ACVR1B: variants seen among roughly 807,000 people sequenced by gnomAD.
ACVR1B encodes the protein activin A receptor type 1B, also known as activin receptor type-1B.
Under a neutral mutation model 55.6 loss-of-function variants are expected in ACVR1B, and 15 were observed. The observed-to-expected ratio is 0.27, with a 90% CI of 0.18 to 0.42. ACVR1B has a LOEUF of 0.42. Among genes scored for constraint, ACVR1B ranks in the 10% least tolerant of loss-of-function variants. ACVR1B has a pLI of 1.00. For missense variants in ACVR1B, 359 were observed against 670.1 expected (o/e 0.54, Z 5.13); for synonymous variants, 247 against 254.6 (o/e 0.97, Z 0.28).
At chr12:51,978,886 T>A (rs529955088) in intron 3 of ACVR1B, among the ~76,000 whole-genome samples, 1 of 146,968 alleles carries the variant, frequency 6.8e-6, no homozygotes, top group African/African-American at 2.5e-5. Context: ...ACAGGAATTG[T>A]TGGGAAGAGT....
chr12:51,994,057 C>T lies in ACVR1B; in HGVS notation c.1465C>T (p.Arg489Cys), dbSNP rs752443171. ...CGGCGCAGCCCGCCTGACGGCCCTG[C>T]GCATCAAGAAGACCCTCTCCCAGCT... ...ANGAARLTAL[R>C]IKKTLSQLSV... is the part of the protein sequence containing the mutation. Residue 489 changes from arginine (R) to cysteine (C), a missense_variant, in exon 9 of 9, where the codon CGC becomes TGC. Coordinates refer to ENST00000257963, the MANE Select transcript of ACVR1B (RefSeq NM_004302.5). This position sits in a 1 kb window ranked among gnomAD's most constrained non-coding sequence, Gnocchi z 4.2. 4 of 1,614,078 alleles carry T rather than the reference C, an allele frequency of 2.5e-6. No homozygotes were observed. The highest frequency in any genetic ancestry group is 2.5e-6 in the Non-Finnish European group (3 of 1,180,038).
intron 1 of ACVR1B, among the ~76,000 whole-genome samples, chr12:51,954,084 C>G (rs536222081): frequency 2.0e-4 from 31 of 152,200 alleles, no homozygotes; most frequent in Non-Finnish European, 4.0e-4. Context: ...TGTGGGATAA[C>G]AAGAAGTTGA....
Position 51,989,933 on chromosome 12 carries a change from C to A in ACVR1B, c.1262-1930C>A, listed in dbSNP as rs560845096. On this transcript the variant is annotated intron_variant, in intron 7 of 8. Coordinates refer to ENST00000257963, the MANE Select transcript of ACVR1B (RefSeq NM_004302.5). ...CAAGGAAGTGGAAGTTGCAGCAAGC[C>A]GAGATCGTGCCACTGCACTCCAGCC... Among the ~76,000 whole-genome samples, 5 of 152,046 alleles carry A rather than the reference C, an allele frequency of 3.3e-5. No homozygotes were observed. The East Asian group carries it at 9.7e-4, about 29-fold the overall frequency.
chr12:51,976,178 C>A (rs1941849193), intron 2 of ACVR1B, 149 bp from the exon 3 acceptor site: 2 of 940,710 alleles, frequency 2.1e-6, no homozygotes, highest in African/African-American at 1.7e-5. Context: ...GGCAGCAAGA[C>A]TAGCCCAGAA....
At chr12:51,988,182 C>CT (rs941413266) in intron 7 of ACVR1B, among the ~76,000 whole-genome samples, 5 of 152,096 alleles carry the variant, frequency 3.3e-5, no homozygotes, top group African/African-American at 1.2e-4. Flanking sequence ...GTAAAACAGA[C>CT]TAAGAGGCCA....
intron 1 of ACVR1B, among the ~76,000 whole-genome samples, chr12:51,974,634 A>G (rs1941811738): frequency 6.6e-6 from 1 of 152,142 alleles, no homozygotes; most frequent in Non-Finnish European, 1.5e-5. Context: ...TCTCACAATA[A>G]CTTCATGAGG....
At chr12:51,980,216 A>G (rs1307483635) in intron 3 of ACVR1B, among the ~76,000 whole-genome samples, 3 of 152,212 alleles carry the variant, frequency 2.0e-5, no homozygotes, top group Non-Finnish European at 4.4e-5. Context: ...CCTAATACAT[A>G]GTAAGCATGC....
chr12:51,988,383 G>A (rs769276356), intron 7 of ACVR1B, among the ~76,000 whole-genome samples: 5 of 152,166 alleles, frequency 3.3e-5, no homozygotes, highest in Non-Finnish European at 5.9e-5. Flanking sequence ...GCAGGAGAAC[G>A]CTTGAACCCT....
chr12:51,975,573 T>C, intron 2 of ACVR1B, 69 bp downstream of exon 2: 1 of 1,556,962 alleles, frequency 6.4e-7, no homozygotes. Context: ...TTCATTTTTT[T>C]CTACTCTTGC....
At chr12:51,953,789 T>C (rs1259999753) in intron 1 of ACVR1B, among the ~76,000 whole-genome samples, 1 of 152,200 alleles carries the variant, frequency 6.6e-6, no homozygotes, top group African/African-American at 2.4e-5. Flanking sequence ...GAATGTTTGA[T>C]AATCCAAGTG....
intron 1 of ACVR1B, among the ~76,000 whole-genome samples, chr12:51,957,789 A>T (rs1941443062): frequency 6.6e-6 from 1 of 152,210 alleles, no homozygotes; most frequent in South Asian, 2.1e-4. Context: ...CTATTAACTC[A>T]TGCCTGAACT....
At chr12:51,990,989 C>T (rs1028849813) in intron 7 of ACVR1B, among the ~76,000 whole-genome samples, 3 of 152,150 alleles carry the variant, frequency 2.0e-5, no homozygotes, top group African/African-American at 7.2e-5. Context: ...TGACAAGTTG[C>T]GTAGCATTGG....
At chr12:51,991,738 C>G (rs1056694784) in intron 7 of ACVR1B, 125 bp from the exon 8 acceptor site, 5 of 1,064,078 alleles carry the variant, frequency 4.7e-6, no homozygotes, top group Non-Finnish European at 5.4e-6. Context: ...TTAGAATTAA[C>G]TAACTTTCTA....
intron 1 of ACVR1B, among the ~76,000 whole-genome samples, chr12:51,965,073 A>G (rs997341378): frequency 1.3e-5 from 2 of 152,214 alleles, no homozygotes; most frequent in Non-Finnish European, 2.9e-5. Context: ...ATATATGATC[A>G]TATGTTTACT....
intron 1 of ACVR1B, among the ~76,000 whole-genome samples, chr12:51,958,716 A>G (rs1490159904): frequency 1.3e-5 from 2 of 152,170 alleles, no homozygotes; most frequent in Non-Finnish European, 2.9e-5. Context: ...GGTGCATGCA[A>G]GCTAGATGCC....
chr12:51,955,998 T>G (rs1272935375), intron 1 of ACVR1B, among the ~76,000 whole-genome samples: 6 of 152,248 alleles, frequency 3.9e-5, no homozygotes, highest in Non-Finnish European at 7.3e-5. Context: ...AGGCACCATT[T>G]CTGTCCATGT....
intron 6 of ACVR1B, among the ~76,000 whole-genome samples, chr12:51,986,373 C>T (rs1942076143): frequency 6.6e-6 from 1 of 152,246 alleles, no homozygotes; most frequent in African/African-American, 2.4e-5. Context: ...ATTCTCCTGC[C>T]TCAGCCTCCC....
intron 5 of ACVR1B, among the ~76,000 whole-genome samples, 199 bp downstream of exon 5, chr12:51,984,365 T>C (rs1942039342): frequency 6.6e-6 from 1 of 152,238 alleles, no homozygotes; most frequent in Admixed American, 6.5e-5. Flanking sequence ...TCTGTCTTGA[T>C]AGAACTCCCT....
chr12:51,952,788 C>T (rs988837772), intron 1 of ACVR1B, among the ~76,000 whole-genome samples: 5 of 151,974 alleles, frequency 3.3e-5, no homozygotes, highest in East Asian at 1.9e-4. Context: ...ACTTATTTAC[C>T]TTCCTACACG....
Sources: gnomAD v4.1 joint callset for allele counts (sites outside exome capture counted in the v4.1 genomes callset) on GRCh38, gnomAD v4.1.1 for gene constraint, Gnocchi (gnomAD v3.1) non-coding constraint, MANE v1.5 for transcripts, NCBI Gene and HGNC (gene_info 2026-07-23, HGNC 2026-07-21) for gene names.